The following FBXL13 variants were observed in gnomAD, a reference collection of about 807,000 sequenced individuals.
FBXL13 encodes the protein F-box and leucine rich repeat protein 13.
Under a neutral mutation model 83.6 loss-of-function variants are expected in FBXL13, and 67 were observed. That is an observed-to-expected ratio of 0.80 (90% confidence interval 0.66 to 0.98). The LOEUF (loss-of-function observed/expected upper bound fraction) is 0.98. Among genes scored for constraint, FBXL13 ranks in the 50% least tolerant of loss-of-function variants. The pLI is 0.00. For synonymous variants in FBXL13, 272 were observed against 299.5 expected (o/e 0.91, Z 0.95); for missense variants, 822 against 866.5 (o/e 0.95, Z 0.64).
At chr7:102,929,460 G>A (rs1331296552) in intron 9 of FBXL13, among the ~76,000 whole-genome samples, 2 of 151,904 alleles carry the variant, frequency 1.3e-5, no homozygotes, top group East Asian at 1.9e-4. Context: ...TCAGGAGTTC[G>A]AGACCAGCCT....
At chr7:102,832,848 A>G (rs953246143) in exon 18 of FBXL13, 1 of 1,614,216 alleles carries the variant, frequency 6.2e-7, no homozygotes, top group Non-Finnish European at 8.5e-7. Flanking sequence ...ACCTTTGGAC[A>G]GCCAGCAATG....
chr7:103,064,835 G>A (rs1798240975), intron 1 of FBXL13, among the ~76,000 whole-genome samples: 1 of 152,150 alleles, frequency 6.6e-6, no homozygotes, highest in Non-Finnish European at 1.5e-5. Flanking sequence ...ATACTGTGAG[G>A]AAGTCTAAGC....
Position 102,825,807 on chromosome 7 carries a change from T to C in FBXL13, c.1855-3604A>G, listed in dbSNP as rs149373852. ...TCTTATGTTGGATCTTTTCCCACAT[T>C]GTTTACTAGCAGTATTTTCTCTGAT... is the stretch of plus-strand genomic sequence containing the variant. On this transcript the variant is annotated intron_variant, in intron 18 of 19. Transcript: ENST00000313221. 4.0e-3 allele frequency among the ~76,000 whole-genome samples: 609 copies of C among 152,350 alleles called. 5 individuals carry two copies. Among genetic ancestry groups the C allele is most frequent in the African/African-American group, 0.014 (584 of 41,588 alleles).
Position 102,960,298 on chromosome 7 carries a change from T to C in FBXL13, c.724+3235A>G, listed in dbSNP as rs1585139322. ...GACTAAACCAGGAAGAAGTTGAATC[T>C]CTGAATAGACCAATAACAGGAGCTG... is the stretch of plus-strand genomic sequence containing the variant. On this transcript the variant is annotated intron_variant, in intron 8 of 19. Coordinates refer to ENST00000313221, the Ensembl canonical transcript of FBXL13. 5.3e-5 allele frequency among the ~76,000 whole-genome samples: 8 copies of C among 152,112 alleles called. 2 individuals are homozygous for C. The highest frequency in any genetic ancestry group is 5.2e-4 in the Admixed American group (8 of 15,264).
intron 2 of FBXL13, among the ~76,000 whole-genome samples, chr7:103,051,686 C>A (rs1372153178): frequency 6.6e-6 from 1 of 152,112 alleles, no homozygotes; most frequent in African/African-American, 2.4e-5. Flanking sequence ...GTCAGGTAGC[C>A]CCCAGAATCA....
chr7:103,061,537 T>C (rs1197882107), intron 1 of FBXL13, among the ~76,000 whole-genome samples: 1 of 152,172 alleles, frequency 6.6e-6, no homozygotes, highest in Non-Finnish European at 1.5e-5. Flanking sequence ...AATGAGTTAG[T>C]GTATCCAGCT....
chr7:102,986,747 C>T (rs1829000707), intron 6 of FBXL13, among the ~76,000 whole-genome samples: 1 of 148,408 alleles, frequency 6.7e-6, no homozygotes, highest in South Asian at 2.2e-4. Flanking sequence ...ATAAATATAA[C>T]ATTTATTTTC....
At chr7:102,868,651 GT>G (rs1413215934) in intron 16 of FBXL13, among the ~76,000 whole-genome samples, 1 of 151,762 alleles carries the variant, frequency 6.6e-6, no homozygotes, top group Non-Finnish European at 1.5e-5. Context: ...CATTTCCTTT[GT>G]GGTTTTTTTG....
chr7:102,831,729 T>C (rs4357217), intron 18 of FBXL13, among the ~76,000 whole-genome samples: 17,959 of 152,142 alleles, frequency 0.12, 1,229 homozygotes, highest in East Asian at 0.3. Flanking sequence ...TGGCTTAGGA[T>C]TCAAAGCAGT....
intron 2 of FBXL13, among the ~76,000 whole-genome samples, chr7:103,039,686 A>T (rs1795459932): frequency 6.6e-6 from 1 of 152,200 alleles, no homozygotes; most frequent in Non-Finnish European, 1.5e-5. Flanking sequence ...ATTCTTAAAG[A>T]AAAGAATTTT....
At chr7:103,038,174 C>A (rs1394224524) in intron 2 of FBXL13, among the ~76,000 whole-genome samples, 1 of 152,232 alleles carries the variant, frequency 6.6e-6, no homozygotes, top group Non-Finnish European at 1.5e-5. Context: ...CTCGGTGAGT[C>A]CCACACCCAT....
intron 16 of FBXL13, among the ~76,000 whole-genome samples, chr7:102,858,094 A>G (rs968620380): frequency 3.3e-5 from 5 of 152,218 alleles, no homozygotes; most frequent in Non-Finnish European, 7.4e-5. Context: ...TGTAGTATAT[A>G]TACACAATGG....
chr7:102,892,921 T>C (rs765642642), intron 11 of FBXL13, among the ~76,000 whole-genome samples: 8 of 152,338 alleles, frequency 5.3e-5, no homozygotes, highest in South Asian at 2.1e-4. Context: ...ATTTACACCA[T>C]AGAATTCAGC....
chr7:102,968,303 T>G lies in FBXL13; in HGVS notation c.496-186A>C, dbSNP rs376213158. Among the ~76,000 whole-genome samples, 30 of 152,268 alleles carry G rather than the reference T, an allele frequency of 2.0e-4. No individual in the cohort carries two copies. The East Asian group carries it at 4.8e-3, about 24-fold the overall frequency. On this transcript the variant is annotated intron_variant, in intron 6 of 19. Coordinates refer to ENST00000313221, the Ensembl canonical transcript of FBXL13. ...CTAGAATTTTATCTGAAGATAGGAGTTTTATCTAAAGTACTGGAACTTACC... is the reference window on the plus strand; with the variant it reads ...CTAGAATTTTATCTGAAGATAGGAGGTTTATCTAAAGTACTGGAACTTACC...
intron 16 of FBXL13, among the ~76,000 whole-genome samples, chr7:102,862,133 A>G (rs2129453081): frequency 6.6e-6 from 1 of 152,248 alleles, no homozygotes. Context: ...TCATGAGGTC[A>G]GGAGTTCGAG....
intron 9 of FBXL13, among the ~76,000 whole-genome samples, chr7:102,930,953 CA>C (rs974542422): frequency 7.9e-5 from 12 of 152,126 alleles, no homozygotes; most frequent in African/African-American, 2.7e-4. Context: ...CCACAAAGAA[CA>C]AGACACATCT....
At chr7:103,003,705 C>T (rs1790679839) in intron 6 of FBXL13, among the ~76,000 whole-genome samples, 1 of 152,108 alleles carries the variant, frequency 6.6e-6, no homozygotes, top group African/African-American at 2.4e-5. Flanking sequence ...CCTCAGCCTC[C>T]TAAGTAGCTG....
intron 6 of FBXL13, among the ~76,000 whole-genome samples, chr7:103,014,921 CAAA>C (rs1166056647): frequency 9.7e-5 from 2 of 20,626 alleles, no homozygotes; most frequent in East Asian, 1.2e-3. Flanking sequence ...GACTCCGTCT[CAAA>C]AAAAAAAAAA....
At chr7:102,998,846 TATA>T (rs1263607754) in intron 6 of FBXL13, among the ~76,000 whole-genome samples, 1 of 151,802 alleles carries the variant, frequency 6.6e-6, no homozygotes, top group East Asian at 1.9e-4. Flanking sequence ...AAATTAAAAA[TATA>T]ATATCATGTC....
Sources: allele counts gnomAD v4.1 joint callset (sites outside exome capture counted in the v4.1 genomes callset), GRCh38; gene constraint gnomAD v4.1.1; transcripts MANE v1.5; gene names NCBI Gene and HGNC (gene_info 2026-07-23, HGNC 2026-07-21).